EBF1: variants seen among roughly 807,000 people sequenced by gnomAD.
The protein encoded by EBF1 is transcription factor COE1.
In EBF1, 10 loss-of-function variants were observed where a neutral mutation model predicts 68.4. The ratio of observed to expected loss-of-function variants is 0.15; its 90% CI spans 0.09 to 0.25. The LOEUF (loss-of-function observed/expected upper bound fraction) is 0.25, where lower values mean the gene tolerates loss of function less well. Among genes scored for constraint, EBF1 ranks in the 10% least tolerant of loss-of-function variants. EBF1 has a pLI of 1.00. For missense variants in EBF1, 509 were observed against 794.4 expected (o/e 0.64, Z 4.32); for synonymous variants, 298 against 299.8 (o/e 0.99, Z 0.06).
At chr5:158,917,258 C>A (rs1414684071) in intron 6 of EBF1, among the ~76,000 whole-genome samples, 1 of 152,206 alleles carries the variant, frequency 6.6e-6, no homozygotes, top group Non-Finnish European at 1.5e-5. Context: ...TGTCTTTGAA[C>A]CATTTAGATC....
At chr5:158,814,880 C>T (rs1475941308) in intron 8 of EBF1, among the ~76,000 whole-genome samples, 1 of 152,086 alleles carries the variant, frequency 6.6e-6, no homozygotes, top group Non-Finnish European at 1.5e-5. Context: ...GTGTCCCAGC[C>T]ATGGGAAAAA....
chr5:158,820,229 C>T (rs564724387), intron 8 of EBF1, among the ~76,000 whole-genome samples: 5 of 151,158 alleles, frequency 3.3e-5, no homozygotes, highest in Non-Finnish European at 7.4e-5. Context: ...GGAGAACATG[C>T]TTTGCCGTCT....
chr5:158,712,004 G>T (rs1226880140), intron 14 of EBF1, 150 bp downstream of exon 14: 1 of 870,858 alleles, frequency 1.1e-6, no homozygotes, highest in Non-Finnish European at 1.7e-6. Context: ...AGACGATGGT[G>T]CCTTTAGCAC....
At chr5:158,883,717 C>T (rs1024233277) in intron 6 of EBF1, among the ~76,000 whole-genome samples, 2 of 152,150 alleles carry the variant, frequency 1.3e-5, no homozygotes, top group Non-Finnish European at 2.9e-5. Flanking sequence ...ACTCAATTCA[C>T]AGCTGATAAG....
At chr5:159,076,705 T>C (rs1778843311) in intron 5 of EBF1, among the ~76,000 whole-genome samples, 1 of 152,246 alleles carries the variant, frequency 6.6e-6, no homozygotes, top group Non-Finnish European at 1.5e-5. Context: ...CTGCATCACA[T>C]AGTCATTATT....
intron 7 of EBF1, among the ~76,000 whole-genome samples, chr5:158,825,382 C>T (rs567759583): frequency 1.1e-4 from 16 of 152,012 alleles, no homozygotes; most frequent in East Asian, 5.8e-4. Context: ...CACAATTGAG[C>T]GGTCACTGGA....
intron 8 of EBF1, among the ~76,000 whole-genome samples, chr5:158,804,180 G>C (rs887373994): frequency 1.3e-5 from 2 of 151,660 alleles, no homozygotes; most frequent in African/African-American, 4.8e-5. Flanking sequence ...AAGAAGAAAA[G>C]GAAAAATTCA....
At chr5:158,744,981 A>C (rs1410359248) in intron 10 of EBF1, among the ~76,000 whole-genome samples, 1 of 152,260 alleles carries the variant, frequency 6.6e-6, no homozygotes, top group East Asian at 1.9e-4. Context: ...TACCCAGTGA[A>C]GTTCTACTTC....
In EBF1 at chr5:158,997,904, T is replaced by C. The variant is rs994762892; in HGVS notation, c.554+75492A>G. On this transcript the variant is annotated intron_variant, in intron 6 of 15. Transcript: ENST00000313708. ...ACAGGAATTTACCAGATACCCACTA[T>C]GTGCCCCCTCAAGGAATGTTTTATA... is the stretch of plus-strand genomic sequence containing the variant. Among the ~76,000 whole-genome samples, 4 of 152,300 alleles carry C rather than the reference T, an allele frequency of 2.6e-5. No individual in the cohort carries two copies. The East Asian group carries it at 5.8e-4, about 22-fold the overall frequency.
chr5:158,843,183 T>G (rs1477446677), intron 6 of EBF1, among the ~76,000 whole-genome samples: 4 of 152,266 alleles, frequency 2.6e-5, no homozygotes, highest in African/African-American at 9.6e-5. Context: ...TAATATTTGC[T>G]GCCCATGTGT....
intron 11 of EBF1, among the ~76,000 whole-genome samples, chr5:158,717,560 G>T (rs927844861): frequency 6.6e-6 from 1 of 151,688 alleles, no homozygotes; most frequent in Non-Finnish European, 1.5e-5. Context: ...TGTTTAAAAC[G>T]TCTCCCTGCT....
At chr5:159,003,417 G>A (rs1255936649) in intron 6 of EBF1, among the ~76,000 whole-genome samples, 1 of 150,396 alleles carries the variant, frequency 6.6e-6, no homozygotes, top group Non-Finnish European at 1.5e-5. Context: ...GAATTGTGAA[G>A]TATTTTGAAT....
chr5:158,875,767 C>T (rs1797704814), intron 6 of EBF1, among the ~76,000 whole-genome samples: 1 of 152,204 alleles, frequency 6.6e-6, no homozygotes, highest in Non-Finnish European at 1.5e-5. Flanking sequence ...CAGAGATTAG[C>T]ATTCATCATT....
chr5:158,886,868 G>T (rs536701886), intron 6 of EBF1, among the ~76,000 whole-genome samples: 1 of 152,102 alleles, frequency 6.6e-6, no homozygotes, highest in African/African-American at 2.4e-5. Context: ...TGGGTGTGGC[G>T]GCGGGCACGT....
At chr5:158,761,942 C>T (rs1771553292) in intron 10 of EBF1, among the ~76,000 whole-genome samples, 1 of 152,084 alleles carries the variant, frequency 6.6e-6, no homozygotes, top group Non-Finnish European at 1.5e-5. Flanking sequence ...GAGTCTTAAA[C>T]AACAATGTGC....
At chr5:159,059,064 A>T (rs1775308894) in intron 6 of EBF1, among the ~76,000 whole-genome samples, 1 of 152,182 alleles carries the variant, frequency 6.6e-6, no homozygotes, top group Non-Finnish European at 1.5e-5. Flanking sequence ...TAATTTCTAC[A>T]ATATGTAGGT....
intron 10 of EBF1, among the ~76,000 whole-genome samples, chr5:158,776,290 T>C (rs1233535380): frequency 6.6e-6 from 1 of 151,900 alleles, no homozygotes; most frequent in Non-Finnish European, 1.5e-5. Context: ...TCAGGATGCA[T>C]TAATTGTTTT....
intron 6 of EBF1, among the ~76,000 whole-genome samples, chr5:159,014,360 G>A (rs1357494831): frequency 2.6e-5 from 4 of 152,162 alleles, no homozygotes; most frequent in African/African-American, 7.2e-5. Flanking sequence ...GGAAGGCTTT[G>A]CCATGTTTTA....
Position 159,042,237 on chromosome 5 carries a change from A to G in EBF1, c.554+31159T>C, listed in dbSNP as rs1354131788. On this transcript the variant is annotated intron_variant, in intron 6 of 15. Transcript: ENST00000313708. The stretch of plus-strand genomic sequence containing the variant: ...CTGCTCACAAAGGGATCTGGATCTG[A>G]GAAGATCAGATCACAGAAGCAGGGA... Among the ~76,000 whole-genome samples the G allele has an allele frequency of 2.0e-5, 3 of 152,166 alleles. No individual in the cohort carries two copies. In the East Asian group the frequency reaches 5.8e-4, roughly 29 times the overall value.
Sources: gnomAD v4.1 joint callset for allele counts (sites outside exome capture counted in the v4.1 genomes callset) on GRCh38, gnomAD v4.1.1 for gene constraint, MANE v1.5 for transcripts, NCBI Gene and HGNC (gene_info 2026-07-23, HGNC 2026-07-21) for gene names.